NBPF8: variants seen among roughly 807,000 people sequenced by gnomAD.
NBPF8 encodes the protein NBPF member 8, also known as NBPF family member NBPF8.
At chr1:120,449,582 A>G (rs1459007149) in intron 11 of NBPF8, among the ~76,000 whole-genome samples, 180 bp downstream of exon 9, 5 of 151,904 alleles carry the variant, frequency 3.3e-5, no homozygotes, top group Non-Finnish European at 7.4e-5. Context: ...GTATTTAGCA[A>G]CTTTCCATGT....
upstream of NBPF8, among the ~76,000 whole-genome samples, chr1:120,432,002 G>A (rs1227438041): frequency 8.4e-6 from 1 of 119,688 alleles, no homozygotes; most frequent in African/African-American, 3.3e-5. Context: ...ATGTGTATGT[G>A]GAAGTGTGCA....
chr1:120,436,298 T>A (rs1553247734), upstream of NBPF8: 2 of 1,338,076 alleles, frequency 1.5e-6, no homozygotes, highest in South Asian at 1.4e-5. Context: ...CTGGCAGTGC[T>A]TTCAGCTCTG....
At chr1:120,417,812 G>T (rs1660471212), upstream of NBPF8, among the ~76,000 whole-genome samples, 1 of 146,220 alleles carries the variant, frequency 6.8e-6, no homozygotes, top group South Asian at 2.2e-4. Flanking sequence ...TGTTTCCCAG[G>T]TTGGTCTCAA....
intron 1 of NBPF8, among the ~76,000 whole-genome samples, chr1:120,422,195 G>A (rs1426155013): frequency 6.6e-6 from 1 of 152,100 alleles, no homozygotes; most frequent in Non-Finnish European, 1.5e-5. Context: ...TGTTGTATTA[G>A]TGTGGTCCAT....
chr1:120,428,915 A>G (rs1275013045), intron 3 of NBPF8, among the ~76,000 whole-genome samples: 2 of 151,504 alleles, frequency 1.3e-5, no homozygotes, highest in African/African-American at 2.4e-5. Context: ...CTTTACACTG[A>G]GCTGTCTTTT....
At chr1:120,459,695 C>T (rs1288911767) in intron 17 of NBPF8, among the ~76,000 whole-genome samples, 165 bp downstream of exon 15, 3 of 151,800 alleles carry the variant, frequency 2.0e-5, no homozygotes, top group Admixed American at 2.0e-4. Flanking sequence ...GTCTGAAGCA[C>T]AGGCATGGGG....
At chr1:120,456,420 A>G (rs1661438152) in intron 16 of NBPF8, among the ~76,000 whole-genome samples, 1 of 143,002 alleles carries the variant, frequency 7.0e-6, no homozygotes, top group Non-Finnish European at 1.5e-5. Flanking sequence ...TAGGTCTCTC[A>G]GGACTTGCTT....
chr1:120,451,747 T>C (rs1661278826), intron 12 of NBPF8, among the ~76,000 whole-genome samples: 1 of 148,716 alleles, frequency 6.7e-6, no homozygotes, highest in Non-Finnish European at 1.5e-5. Context: ...CTCATTTCTG[T>C]ACATGGCTTT....
upstream of NBPF8, among the ~76,000 whole-genome samples, chr1:120,417,603 A>T (rs1398335471): frequency 4.5e-5 from 3 of 67,322 alleles, no homozygotes; most frequent in Admixed American, 1.3e-4. Flanking sequence ...TAGTTTTTGC[A>T]TTTCTTTTTT....
rs1288542949 is a variant in NBPF8, at chr1:120,449,524, A to G, written n.1971+122A>G. The G allele has an allele frequency of 7.3e-5, 63 of 864,814 alleles. No homozygotes were observed. In the Admixed American group the frequency reaches 1.1e-3, roughly 15 times the overall value. 53.6% of individuals were successfully genotyped at this position (864,814 alleles called of 1,614,324 possible). On this transcript the variant is annotated intron_variant and non_coding_transcript_variant, in intron 11 of 24. Coordinates refer to ENST00000583271, the Ensembl canonical transcript of NBPF8. ...CTTCCTGTACTTCTAGGAAAACAGA[A>G]ATGGGTATTTTAACATTTTGTCAAA...
intron 1 of NBPF8, among the ~76,000 whole-genome samples, chr1:120,425,135 G>A (rs1660680804): frequency 6.6e-6 from 1 of 151,934 alleles, no homozygotes; most frequent in Non-Finnish European, 1.5e-5. Context: ...CTCGTGGGAA[G>A]GGAAAGACCT....
upstream of NBPF8, among the ~76,000 whole-genome samples, chr1:120,418,014 G>A (rs1357821397): frequency 1.9e-4 from 5 of 25,906 alleles, 2 homozygotes; most frequent in Non-Finnish European, 3.9e-4. Context: ...TTGGATGACT[G>A]CATGGTCATC....
At chr1:120,455,284 C>T (rs1570941317) in intron 15 of NBPF8, 125 bp from the exon 14 acceptor site, 2 of 640,230 alleles carry the variant, frequency 3.1e-6, no homozygotes. Flanking sequence ...CTAGAATATT[C>T]CTGTCAGAAT....
At chr1:120,454,216 G>C in intron 15 of NBPF8, 102 bp downstream of exon 13, 2 of 1,499,556 alleles carry the variant, frequency 1.3e-6, no homozygotes, top group Non-Finnish European at 1.8e-6. Context: ...ATAAAAAACT[G>C]TGATGGGTTT....
chr1:120,461,053 TGTGTGTGTGTGTC>T, intron 18 of NBPF8, among the ~76,000 whole-genome samples, 188 bp from the exon 17 acceptor site: 1 of 150,448 alleles, frequency 6.6e-6, no homozygotes, highest in African/African-American at 2.4e-5. Context: ...TGTGTGTGTG[TGTGTGTGTGTGTC>T]TTTCTCTTTC....
At chr1:120,415,283 C>A (rs1553244939), upstream of NBPF8, among the ~76,000 whole-genome samples, 1 of 152,112 alleles carries the variant, frequency 6.6e-6, no homozygotes, top group Non-Finnish European at 1.5e-5. Flanking sequence ...GAGGTGAAGG[C>A]GCCGCGCCAG....
Position 120,454,076 on chromosome 1 carries a change from C to G in NBPF8, n.2530C>G, listed in dbSNP as rs1219705376. 9,218 of 1,613,268 alleles carry G rather than the reference C, an allele frequency of 5.7e-3. 33 individuals carry two copies. Among genetic ancestry groups the G allele is most frequent in the Non-Finnish European group, 5.6e-3 (6,555 of 1,179,960 alleles). On this transcript the variant is annotated non_coding_transcript_exon_variant, in exon 15 of 25. Coordinates refer to ENST00000583271, the Ensembl canonical transcript of NBPF8. ...GACTCAGCTCTCATTGGCTCATCCT[C>G]TCATGTTGAATGGGAGGATGCTGTA...
downstream of NBPF8, among the ~76,000 whole-genome samples, chr1:120,468,930 G>A (rs1374432411): frequency 2.0e-5 from 3 of 152,152 alleles, no homozygotes; most frequent in African/African-American, 7.2e-5. Flanking sequence ...GTGTTCCCTA[G>A]CCCTGGTGTT....
rs781830058 is a variant in NBPF8, at chr1:120,449,339, C to T, written n.1908C>T. 5 of 1,610,200 alleles carry T rather than the reference C, an allele frequency of 3.1e-6. No homozygotes were observed. In the South Asian group the frequency reaches 4.4e-5, roughly 14 times the overall value. On this transcript the variant is annotated non_coding_transcript_exon_variant, in exon 11 of 25. Transcript: ENST00000583271. ...AGAGAAGAAACAGCAGTTCAGAAAC[C>T]TCAAAGAGAAATGTTTTCTAACTCA... is the stretch of plus-strand genomic sequence containing the variant.
Sources: allele counts gnomAD v4.1 joint callset (sites outside exome capture counted in the v4.1 genomes callset), GRCh38; gene constraint gnomAD v4.1.1; transcripts MANE v1.5; gene names NCBI Gene and HGNC (gene_info 2026-07-23, HGNC 2026-07-21).